The following EXOC6B variants were observed in gnomAD, a reference collection of about 807,000 sequenced individuals.
EXOC6B encodes the protein SEC15 homolog B.
A neutral mutation model predicts 113.5 loss-of-function variants in EXOC6B; 54 were observed. The ratio of observed to expected loss-of-function variants is 0.48; its 90% confidence interval spans 0.38 to 0.60. The LOEUF (loss-of-function observed/expected upper bound fraction) is 0.60. Ranked by LOEUF, EXOC6B falls within the 20% of genes least tolerant of loss-of-function variation. The pLI is 0.00. For synonymous variants in EXOC6B, 357 were observed against 339.0 expected (o/e 1.05, Z -0.58); for missense variants, 797 against 977.5 (o/e 0.82, Z 2.46).
chr2:72,307,182 A>T (rs1341267721), intron 20 of EXOC6B, among the ~76,000 whole-genome samples: 1 of 96,740 alleles, frequency 1.0e-5, no homozygotes, highest in Non-Finnish European at 1.8e-5. Flanking sequence ...TTTGAGACGG[A>T]GTCTTGCTCT....
chr2:72,736,689 G>C (rs1680988236), intron 2 of EXOC6B, among the ~76,000 whole-genome samples: 1 of 152,152 alleles, frequency 6.6e-6, no homozygotes, highest in Non-Finnish European at 1.5e-5. Context: ...AGCAATTCAG[G>C]AGCATTATGA....
At chr2:72,561,205 TA>T (rs1490567640) in intron 7 of EXOC6B, among the ~76,000 whole-genome samples, 2 of 152,064 alleles carry the variant, frequency 1.3e-5, no homozygotes. Flanking sequence ...AGCCTACAGC[TA>T]AGCAAAACAC....
chr2:72,412,857 A>G (rs893538679), intron 18 of EXOC6B, among the ~76,000 whole-genome samples: 1 of 152,174 alleles, frequency 6.6e-6, no homozygotes, highest in Non-Finnish European at 1.5e-5. Flanking sequence ...GCCTGTTCTA[A>G]CCAGCATAAA....
intron 8 of EXOC6B, chr2:72,515,512 A>T (rs1701164517): frequency 2.9e-6 from 3 of 1,026,706 alleles, no homozygotes; most frequent in Non-Finnish European, 3.5e-6. Flanking sequence ...AAAAACATCA[A>T]GAATAAAAAT....
chr2:72,639,166 C>T (rs1409419254), intron 6 of EXOC6B, among the ~76,000 whole-genome samples: 1 of 152,158 alleles, frequency 6.6e-6, no homozygotes, highest in African/African-American at 2.4e-5. Flanking sequence ...CTTGCCACAA[C>T]AGCACACCTG....
intron 19 of EXOC6B, among the ~76,000 whole-genome samples, chr2:72,379,006 A>G (rs1174044765): frequency 6.6e-6 from 1 of 152,196 alleles, no homozygotes; most frequent in Non-Finnish European, 1.5e-5. Context: ...AATGAGACAT[A>G]CAGGAAAGTT....
chr2:72,626,629 A>T (rs978259313), intron 6 of EXOC6B, among the ~76,000 whole-genome samples: 1 of 152,140 alleles, frequency 6.6e-6, no homozygotes, highest in Non-Finnish European at 1.5e-5. Context: ...GTTAGTTTCT[A>T]TGTGTAATAG....
At chr2:72,555,585 C>T (rs543486981) in intron 8 of EXOC6B, among the ~76,000 whole-genome samples, 1 of 152,150 alleles carries the variant, frequency 6.6e-6, no homozygotes, top group East Asian at 1.9e-4. Context: ...TATCCTTTGC[C>T]CACTTTTTAT....
chr2:72,500,666 A>G (rs1700269581), intron 11 of EXOC6B, among the ~76,000 whole-genome samples: 1 of 152,222 alleles, frequency 6.6e-6, no homozygotes, highest in African/African-American at 2.4e-5. Context: ...ATGTCCATGT[A>G]TAACCTCATA....
intron 3 of EXOC6B, 106 bp from the exon 4 acceptor site, chr2:72,731,351 T>A: frequency 1.2e-6 from 1 of 852,788 alleles, no homozygotes. Flanking sequence ...TCCCAGACAG[T>A]TTCATAGTAA....
At position 72,515,781 on chromosome 2, in the gene EXOC6B, C is replaced by T. The variant is rs989520716; in HGVS notation, c.916-655G>A. On this transcript the variant is annotated intron_variant, in intron 8 of 21. Transcript: ENST00000272427. ...GTGGTTTCTCCAAATTCATGTCCTT[C>T]GTGGAACTTCAGAATGCAACCATAT... 2.0e-5 allele frequency: 19 copies of T among 962,156 alleles called. No homozygotes were observed. In the Admixed American group the frequency reaches 8.0e-4, roughly 41 times the overall value. The allele number at this position is 962,156 out of a possible 1,614,324, so 59.6% of individuals were successfully genotyped here.
intron 19 of EXOC6B, among the ~76,000 whole-genome samples, chr2:72,340,817 C>G (rs1273870642): frequency 6.6e-6 from 1 of 152,106 alleles, no homozygotes; most frequent in East Asian, 1.9e-4. Flanking sequence ...GAAGGGTGTG[C>G]TAGACTATGA....
intron 21 of EXOC6B, among the ~76,000 whole-genome samples, chr2:72,183,484 G>A (rs956196286): frequency 6.6e-6 from 1 of 152,170 alleles, no homozygotes; most frequent in Non-Finnish European, 1.5e-5. Context: ...CTGTGGCAGG[G>A]AACCCTCTGC....
At chr2:72,482,899 C>CTAA (rs1699190250) in intron 16 of EXOC6B, among the ~76,000 whole-genome samples, 1 of 152,158 alleles carries the variant, frequency 6.6e-6, no homozygotes, top group Non-Finnish European at 1.5e-5. Flanking sequence ...CGATACAATT[C>CTAA]GAATAAATTC....
chr2:72,492,445 T>G lies in EXOC6B; in HGVS notation c.1554-16A>C, dbSNP rs1573246443. 1 of 1,550,092 alleles carries G rather than the reference T, an allele frequency of 6.5e-7. No homozygotes were observed. The highest frequency in any genetic ancestry group is 2.2e-5 in the East Asian group (1 of 44,540). On this transcript the variant is annotated splice_polypyrimidine_tract_variant and intron_variant, in intron 15 of 21. Transcript: ENST00000272427. ...TTCAGTTGAGCTGAAAAAGAAGCAT[T>G]AAGAGTCAGTCATAGCAGGTAGCAG...
At chr2:72,476,746 G>T (rs781623536) in intron 17 of EXOC6B, among the ~76,000 whole-genome samples, 2 of 151,856 alleles carry the variant, frequency 1.3e-5, no homozygotes, top group Non-Finnish European at 2.9e-5. Flanking sequence ...AAAGACTTTA[G>T]AATAAAGTCC....
chr2:72,613,938 C>G (rs934053909), intron 6 of EXOC6B, among the ~76,000 whole-genome samples: 1 of 152,040 alleles, frequency 6.6e-6, no homozygotes, highest in South Asian at 2.1e-4. Context: ...CTATGAAATT[C>G]AAATTTCAGT....
At chr2:72,268,323 G>T (rs1684262613) in intron 20 of EXOC6B, among the ~76,000 whole-genome samples, 1 of 151,990 alleles carries the variant, frequency 6.6e-6, no homozygotes, top group Non-Finnish European at 1.5e-5. Flanking sequence ...ATTGGGCAGG[G>T]TGGTCTCAAA....
At chr2:72,236,210 T>TCATATAGTGCATAATCCCTA (rs1681949451) in intron 20 of EXOC6B, among the ~76,000 whole-genome samples, 1 of 152,214 alleles carries the variant, frequency 6.6e-6, no homozygotes, top group Non-Finnish European at 1.5e-5. Context: ...GTAACAGTGG[T>TCATATAGTGCATAATCCCTA]TGCTTACCAG....
Sources: allele counts gnomAD v4.1 joint callset (sites outside exome capture counted in the v4.1 genomes callset), GRCh38; gene constraint gnomAD v4.1.1; transcripts MANE v1.5; gene names NCBI Gene and HGNC (gene_info 2026-07-23, HGNC 2026-07-21).